Variants in TDG observed in about 807,000 individuals in gnomAD.
The protein encoded by TDG is thymine DNA glycosylase, also known as G/T mismatch-specific thymine DNA glycosylase.
Under a neutral mutation model 46.1 loss-of-function variants are expected in TDG, and 23 were observed. That is an observed-to-expected ratio of 0.50 (90% confidence interval 0.36 to 0.71). The LOEUF (loss-of-function observed/expected upper bound fraction) is 0.71, where lower values mean the gene tolerates loss of function less well. Ranked by LOEUF, TDG falls within the 30% of genes least tolerant of loss-of-function variation. The pLI is 0.00. For synonymous variants in TDG, 115 were observed against 161.3 expected (o/e 0.71, Z 2.18); for missense variants, 304 against 486.7 (o/e 0.62, Z 3.53).
intron 9 of TDG, chr12:103,986,728 A>C (rs1447053497): frequency 2.4e-6 from 1 of 424,652 alleles, no homozygotes; most frequent in Non-Finnish European, 4.2e-6. Flanking sequence ...GAAAAAAAAA[A>C]ACTTCAAATA....
At chr12:103,972,006 C>T (rs757457253) in intron 1 of TDG, among the ~76,000 whole-genome samples, 1 of 152,090 alleles carries the variant, frequency 6.6e-6, no homozygotes, top group Non-Finnish European at 1.5e-5. Flanking sequence ...AAAGTAGCAA[C>T]GATCATTATG....
In TDG at chr12:103,987,822, G is replaced by GA. The variant is rs1180344140; in HGVS notation, c.*734dup. 1 of 152,450 alleles carries GA rather than the reference G, an allele frequency of 6.6e-6. No individual in the cohort carries two copies. Among genetic ancestry groups the GA allele is most frequent in the Non-Finnish European group, 1.5e-5 (1 of 68,018 alleles). The allele number at this position is 152,450 out of a possible 1,614,324, so 9.4% of individuals were successfully genotyped here. On this transcript the variant is annotated 3_prime_UTR_variant, in exon 10 of 10. Transcript: ENST00000392872. ...ACTTGAGACATGTAAATATGATAGG[G>GA]AAGGAACTGAATTTCTCCATTCATA...
At chr12:103,972,326 C>T (rs551616020) in intron 1 of TDG, among the ~76,000 whole-genome samples, 1 of 152,268 alleles carries the variant, frequency 6.6e-6, no homozygotes, top group Non-Finnish European at 1.5e-5. Context: ...ACCATGTTGG[C>T]CAGGCCGGTC....
In TDG at chr12:103,974,453, A is replaced by G. The variant is rs149279795; in HGVS notation, c.24-2465A>G. Among the ~76,000 whole-genome samples the G allele has an allele frequency of 3.3e-5, 5 of 151,958 alleles. No individual in the cohort carries two copies. The East Asian group carries it at 9.7e-4, about 29-fold the overall frequency. On this transcript the variant is annotated intron_variant, in intron 1 of 9. Coordinates refer to ENST00000392872, the MANE Select transcript of TDG (RefSeq NM_003211.6). ...CACCATGCCCAGCTAATGTTTTAAAATTTTTTTGTGGAGGTGGCGATCTTG... is the reference window on the plus strand; with the variant it reads ...CACCATGCCCAGCTAATGTTTTAAAGTTTTTTTGTGGAGGTGGCGATCTTG...
At chr12:103,985,184 C>T (rs914287209) in intron 8 of TDG, among the ~76,000 whole-genome samples, 12 of 133,450 alleles carry the variant, frequency 9.0e-5, no homozygotes, top group Admixed American at 2.2e-4. Flanking sequence ...CACACACACA[C>T]ACACACACAC....
rs192263314 is a variant in TDG, at chr12:103,986,639, G to A, written c.1091-309G>A. ...ATATATATGCCTCTCCTCGATCCCG[G>A]GAGGCAGAGGCTGTAGTGAGCCGAA... On this transcript the variant is annotated intron_variant, in intron 9 of 9. Coordinates refer to ENST00000392872, the MANE Select transcript of TDG (RefSeq NM_003211.6). The A allele has an allele frequency of 6.7e-4, 146 of 218,368 alleles. No homozygotes were observed. In the East Asian group the frequency reaches 0.013, roughly 19 times the overall value. The allele number at this position is 218,368 out of a possible 1,614,324, so 13.5% of individuals were successfully genotyped here.
At position 103,987,796 on chromosome 12, in the gene TDG, T is replaced by C. The variant is rs1178162428; in HGVS notation, c.*706T>C. Reference sequence around the variant, plus strand: ...GACCTTTTGCCACTCATCTGTGTTTTACTTGAGACATGTAAATATGATAGG... The same window carrying C: ...GACCTTTTGCCACTCATCTGTGTTTCACTTGAGACATGTAAATATGATAGG... On this transcript the variant is annotated 3_prime_UTR_variant, in exon 10 of 10. Coordinates refer to ENST00000392872, the MANE Select transcript of TDG (RefSeq NM_003211.6). 5 of 152,540 alleles carry C rather than the reference T, an allele frequency of 3.3e-5. No homozygotes were observed. The highest frequency in any genetic ancestry group is 1.2e-4 in the African/African-American group (5 of 41,476). The allele number at this position is 152,540 out of a possible 1,614,324, so 9.4% of individuals were successfully genotyped here.
rs544092991 is a variant in TDG at position 103,976,282 on chromosome 12, G to A, written c.24-636G>A. 3.9e-5 allele frequency among the ~76,000 whole-genome samples: 6 copies of A among 152,078 alleles called. No individual in the cohort carries two copies. In the East Asian group the frequency reaches 1.2e-3, roughly 29 times the overall value. The stretch of plus-strand genomic sequence containing the variant: ...TAGCCAGGCATTGGGGCTCGCTCCT[G>A]TAGTCCCAGCTACTTGGGAGGCTGA... On this transcript the variant is annotated intron_variant, in intron 1 of 9. Transcript: ENST00000392872.
intron 3 of TDG, chr12:103,980,528 G>A (rs1413792826): frequency 2.6e-5 from 6 of 227,004 alleles, no homozygotes; most frequent in Non-Finnish European, 1.7e-5. Flanking sequence ...GATGTGGAGC[G>A]AGCTTCTTGT....
At position 103,982,262 on chromosome 12, in the gene TDG, G is replaced by A. The variant is rs4135108; in HGVS notation, c.479-537G>A. 1.3e-3 allele frequency among the ~76,000 whole-genome samples: 196 copies of A among 152,244 alleles called. 2 individuals carry two copies. The highest frequency in any genetic ancestry group is 0.01 in the East Asian group (54 of 5,184). On this transcript the variant is annotated intron_variant, in intron 4 of 9. Coordinates refer to ENST00000392872, the MANE Select transcript of TDG (RefSeq NM_003211.6). Reference sequence around the variant, plus strand: ...ATTATTTTAAAAAATTCCTTTTTAAGGGAAGTTTGGACTTTTGACTTTCTT... The same window carrying A: ...ATTATTTTAAAAAATTCCTTTTTAAAGGAAGTTTGGACTTTTGACTTTCTT...
At chr12:103,985,570 A>G in intron 8 of TDG, 33 bp from the exon 9 acceptor site, 1 of 1,559,648 alleles carries the variant, frequency 6.4e-7, no homozygotes, top group South Asian at 1.2e-5. Flanking sequence ...GTTGTACAAA[A>G]TCAGATTTAA....
intron 1 of TDG, among the ~76,000 whole-genome samples, chr12:103,970,870 C>T (rs1406476435): frequency 2.0e-5 from 3 of 151,952 alleles, no homozygotes; most frequent in Non-Finnish European, 2.9e-5. Flanking sequence ...AAAATATAGT[C>T]GACCTTCCAT....
chr12:103,965,918 C>A lies in TDG; in HGVS notation c.-120C>A. 1.3e-5 allele frequency: 19 copies of A among 1,447,744 alleles called. No individual in the cohort carries two copies. Among genetic ancestry groups the A allele is most frequent in the Non-Finnish European group, 1.8e-5 (19 of 1,075,388 alleles). The allele number at this position is 1,447,744 out of a possible 1,614,324, so 89.7% of individuals were successfully genotyped here. ...GAGTCCAGCCACTGTCTGGGTACTG[C>A]CAGCCATCGGGCCCAGGTCTCTGGG... is the stretch of plus-strand genomic sequence containing the variant. On this transcript the variant is annotated 5_prime_UTR_variant, in exon 1 of 10. Transcript: ENST00000392872.
chr12:103,971,779 T>A (rs1362732090), intron 1 of TDG, among the ~76,000 whole-genome samples: 1 of 152,132 alleles, frequency 6.6e-6, no homozygotes, highest in Non-Finnish European at 1.5e-5. Flanking sequence ...CATCAGGAAG[T>A]TATACAAAGT....
Position 103,987,367 on chromosome 12 carries a change from G to A in TDG, c.*277G>A, listed in dbSNP as rs367592879. On this transcript the variant is annotated 3_prime_UTR_variant, in exon 10 of 10. Coordinates refer to ENST00000392872, the MANE Select transcript of TDG (RefSeq NM_003211.6). ...TATGAAGAAATTGATTTTCTTTTGGGAGTCACTTTTAATCTGTAATTTTAA... is the reference window on the plus strand; with the variant it reads ...TATGAAGAAATTGATTTTCTTTTGGAAGTCACTTTTAATCTGTAATTTTAA... 1.5e-5 allele frequency: 6 copies of A among 396,324 alleles called. No homozygotes were observed. The highest frequency in any genetic ancestry group is 9.7e-5 in the African/African-American group (5 of 51,358). The allele number at this position is 396,324 out of a possible 1,614,324, so 24.6% of individuals were successfully genotyped here.
rs1593521184 is a variant in TDG, at chr12:103,987,210, A to G, written c.*120A>G. 3 of 1,432,250 alleles carry G rather than the reference A, an allele frequency of 2.1e-6. No individual in the cohort carries two copies. Among genetic ancestry groups the G allele is most frequent in the Non-Finnish European group, 2.9e-6 (3 of 1,051,780 alleles). The allele number at this position is 1,432,250 out of a possible 1,614,324, so 88.7% of individuals were successfully genotyped here. A position where few individuals can be genotyped will look rare whatever the true frequency, so the allele number is the denominator to read the frequency against. On this transcript the variant is annotated 3_prime_UTR_variant, in exon 10 of 10. Transcript: ENST00000392872. The stretch of plus-strand genomic sequence containing the variant: ...ATTTTACTCTAGTGGTGTAATTGTA[A>G]TGTAGAACAGTTGTGTGGTAGTGTG...
In TDG at chr12:103,983,145, T is replaced by C; in HGVS notation, c.624T>C (p.Phe208=). The part of the protein sequence containing the change: ...PGSKDLSSKE[F]REGGRILVQK... ...TTTAATTCAATTTTAGTAAAGAATTTCGTGAAGGAGGACGTATTCTAGTAC... is the reference window on the plus strand; with the variant it reads ...TTTAATTCAATTTTAGTAAAGAATTCCGTGAAGGAGGACGTATTCTAGTAC... Residue 208 remains phenylalanine, a synonymous_variant, in exon 6 of 10, where the codon TTT becomes TTC. Coordinates refer to ENST00000392872, the MANE Select transcript of TDG (RefSeq NM_003211.6). 1 of 1,603,064 alleles carries C rather than the reference T, an allele frequency of 6.2e-7. No individual in the cohort carries two copies.
In TDG at chr12:103,986,829, G is replaced by A. The variant is rs1374935775; in HGVS notation, c.1091-119G>A. 1.8e-5 allele frequency: 19 copies of A among 1,085,088 alleles called. No individual in the cohort carries two copies. The Admixed American group carries it at 3.2e-4, about 18-fold the overall frequency. The allele number at this position is 1,085,088 out of a possible 1,614,324, so 67.2% of individuals were successfully genotyped here. On this transcript the variant is annotated intron_variant, in intron 9 of 9. Transcript: ENST00000392872. Reference sequence around the variant, plus strand: ...AAGCCCAGGAGTTTGAGGCTGCAAAGAGCTGTGATCATGCCACTGCATTCC... The same window carrying A: ...AAGCCCAGGAGTTTGAGGCTGCAAAAAGCTGTGATCATGCCACTGCATTCC...
chr12:103,983,257 A>G (rs751199553), intron 6 of TDG, 38 bp from the exon 7 acceptor site: 8 of 1,572,828 alleles, frequency 5.1e-6, no homozygotes, highest in African/African-American at 2.8e-5. Flanking sequence ...CTTTGCTAAC[A>G]TTATGGGCAA....
Sources: gnomAD v4.1 joint callset for allele counts (sites outside exome capture counted in the v4.1 genomes callset) on GRCh38, gnomAD v4.1.1 for gene constraint, MANE v1.5 for transcripts, NCBI Gene and HGNC (gene_info 2026-07-23, HGNC 2026-07-21) for gene names.